The following CFAP46 variants were observed in gnomAD, a reference collection of about 807,000 sequenced individuals.
CFAP46 encodes the protein cilia- and flagella-associated protein 46.
In CFAP46, 245 loss-of-function variants were observed where a neutral mutation model predicts 325.7. The observed-to-expected ratio is 0.75, with a 90% confidence interval of 0.68 to 0.84. CFAP46 has a LOEUF of 0.84. Among genes scored for constraint, CFAP46 ranks in the 40% least tolerant of loss-of-function variants. The probability of loss-of-function intolerance (pLI) is 0.00; values close to 1 mark genes in which losing one functional copy is unlikely to be tolerated. For missense variants in CFAP46, 3,346 were observed against 3,543.0 expected, an observed-to-expected ratio of 0.94 and a Z score of 1.41; for synonymous variants, 1,523 against 1,495.9, an observed-to-expected ratio of 1.02 and a Z score of -0.42.
At chr10:132,821,747 A>T (rs1360655228) in intron 50 of CFAP46, among the ~76,000 whole-genome samples, 23 of 80,180 alleles carry the variant, frequency 2.9e-4, no homozygotes, top group African/African-American at 1.2e-3. Flanking sequence ...GTGTGCGCTG[A>T]TGTGTGCTGT....
chr10:132,824,031 CTGA>C (rs1241270670), intron 50 of CFAP46, among the ~76,000 whole-genome samples: 2 of 100,078 alleles, frequency 2.0e-5, no homozygotes, highest in African/African-American at 4.3e-5. Context: ...TGTGTGAGTG[CTGA>C]TGTGTGCTGA....
chr10:132,814,057 C>T, intron 54 of CFAP46, 95 bp downstream of exon 54: 1 of 897,516 alleles, frequency 1.1e-6, no homozygotes, highest in Non-Finnish European at 1.8e-6. Flanking sequence ...ACTGGCAGGG[C>T]AGACCCAGGG....
intron 55 of CFAP46, among the ~76,000 whole-genome samples, chr10:132,812,151 G>A (rs1054921716): frequency 5.8e-4 from 88 of 152,334 alleles, no homozygotes; most frequent in African/African-American, 1.8e-3. Flanking sequence ...GAGTGGCTGC[G>A]CCTGCTGTCT....
intron 19 of CFAP46, among the ~76,000 whole-genome samples, chr10:132,910,337 C>A (rs1292563310): frequency 6.6e-6 from 1 of 152,216 alleles, no homozygotes; most frequent in Non-Finnish European, 1.5e-5. Flanking sequence ...GGCCTGGGAC[C>A]CCGCAGGAAG....
intron 22 of CFAP46, among the ~76,000 whole-genome samples, chr10:132,906,311 C>T (rs1667956329): frequency 6.6e-6 from 1 of 152,242 alleles, no homozygotes; most frequent in Admixed American, 6.5e-5. Context: ...TGCTTATAGC[C>T]CATCGCCTGG....
At position 132,916,414 on chromosome 10, in the gene CFAP46, G is replaced by A. The variant is rs114776826; in HGVS notation, c.2120+135C>T. The A allele has an allele frequency of 1.0e-3, 978 of 955,310 alleles. 13 individuals are homozygous for A. In the African/African-American group the frequency reaches 0.015, roughly 15 times the overall value. The allele number at this position is 955,310 out of a possible 1,614,324, so 59.2% of individuals were successfully genotyped here. ...TGGTCTCAGTCATTTACGTGACGAT[G>A]GACACGTCCCCCACGCAAGAAGCCG... On this transcript the variant is annotated intron_variant, in intron 17 of 57. Coordinates refer to ENST00000368586, the MANE Select transcript of CFAP46 (RefSeq NM_001200049.3).
intron 50 of CFAP46, among the ~76,000 whole-genome samples, chr10:132,821,100 T>A (rs1185893544): frequency 2.6e-5 from 2 of 77,052 alleles, no homozygotes; most frequent in Admixed American, 1.6e-4. Context: ...GATGTGTGCT[T>A]TGTGTGTGCT....
At chr10:132,842,039 C>T (rs984387660) in intron 44 of CFAP46, among the ~76,000 whole-genome samples, 2 of 152,238 alleles carry the variant, frequency 1.3e-5, no homozygotes, top group Admixed American at 6.5e-5. Flanking sequence ...CTCTCCTGGG[C>T]ACACCTTTCA....
intron 44 of CFAP46, among the ~76,000 whole-genome samples, chr10:132,844,734 C>T (rs1434420745): frequency 1.3e-5 from 2 of 152,200 alleles, no homozygotes; most frequent in African/African-American, 4.8e-5. Flanking sequence ...GCCTGGTCTG[C>T]AGCCGTGCGG....
intron 49 of CFAP46, among the ~76,000 whole-genome samples, chr10:132,833,777 C>T (rs369525761): frequency 2.0e-5 from 3 of 152,198 alleles, no homozygotes; most frequent in Non-Finnish European, 2.9e-5. Flanking sequence ...TCCACCCACG[C>T]GAAGGTGGCT....
At chr10:132,823,681 T>C (rs1477153388) in intron 50 of CFAP46, among the ~76,000 whole-genome samples, 6 of 126,990 alleles carry the variant, frequency 4.7e-5, no homozygotes, top group Non-Finnish European at 8.4e-5. Flanking sequence ...GTGTGCTGTG[T>C]GCTGATGTGT....
chr10:132,816,519 G>A (rs1847698637), intron 50 of CFAP46, among the ~76,000 whole-genome samples: 1 of 151,932 alleles, frequency 6.6e-6, no homozygotes, highest in African/African-American at 2.4e-5. Flanking sequence ...TTTTAGTAGA[G>A]ATGGGGTTTC....
intron 31 of CFAP46, among the ~76,000 whole-genome samples, chr10:132,873,647 A>C (rs918212405): frequency 2.0e-5 from 3 of 151,880 alleles, no homozygotes; most frequent in African/African-American, 4.8e-5. Context: ...GAAGGGCTGC[A>C]CCTCAGAATT....
chr10:132,872,729 C>A lies in CFAP46; in HGVS notation c.4458G>T (p.Leu1486=). Residue 1486 remains leucine (L), a synonymous_variant, in exon 32 of 58, where the codon CTG becomes CTT. Coordinates refer to ENST00000368586, the MANE Select transcript of CFAP46 (RefSeq NM_001200049.3). ...TGCTTCCCACCACGGAGTCCGAAATCAGCACCCCCAACTGCAGGACGGGAA... is the reference window on the plus strand; with the variant it reads ...TGCTTCCCACCACGGAGTCCGAAATAAGCACCCCCAACTGCAGGACGGGAA... ...LTVPVLQLGV[L]ISDSVVGSKG... is the part of the protein sequence containing the mutation. 1.3e-6 allele frequency: 2 copies of A among 1,550,834 alleles called. No homozygotes were observed. Among genetic ancestry groups the A allele is most frequent in the Non-Finnish European group, 1.7e-6 (2 of 1,147,058 alleles).
chr10:132,848,115 G>A (rs1423097939), intron 41 of CFAP46, among the ~76,000 whole-genome samples: 2 of 152,136 alleles, frequency 1.3e-5, no homozygotes. Context: ...CCACTGCAGA[G>A]TCCCCAGGAC....
intron 50 of CFAP46, among the ~76,000 whole-genome samples, chr10:132,826,478 A>G (rs867974758): frequency 2.8e-4 from 28 of 99,668 alleles, no homozygotes; most frequent in South Asian, 1.2e-3. Flanking sequence ...GACCTGCCAC[A>G]GAGCCAGGCA....
At chr10:132,810,306 G>A in intron 57 of CFAP46, 103 bp downstream of exon 57, 2 of 954,048 alleles carry the variant, frequency 2.1e-6, no homozygotes, top group South Asian at 2.6e-5. Context: ...CCACGGAGAA[G>A]CGGAGACACC....
chr10:132,924,755 C>A lies in CFAP46; in HGVS notation c.1197G>T (p.Leu399=), dbSNP rs1261171855. The A allele has an allele frequency of 6.5e-7, 1 of 1,539,212 alleles. No individual in the cohort carries two copies. ...CCAGGGGCTTCCGCAGGTGGTGCCGCAGGTTGTGCTGCAGCAGGGGCAGGC... is the reference window on the plus strand; with the variant it reads ...CCAGGGGCTTCCGCAGGTGGTGCCGAAGGTTGTGCTGCAGCAGGGGCAGGC... ...NTCLPLLQHN[L]RHHLRKPLAG... is the part of the protein sequence containing the mutation. Residue 399 remains leucine (L), a synonymous_variant, in exon 11 of 58, where the codon CTG becomes CTT. Transcript: ENST00000368586.
In CFAP46 at chr10:132,920,140, G is replaced by C. The variant is rs149558193; in HGVS notation, c.1649C>G (p.Ala550Gly). The change falls in exon 14 of 58, where the codon GCG becomes GGG. Residue 550 changes from alanine (A) to glycine (G), a missense_variant. Transcript: ENST00000368586. ...GCTGACGGTGTGGTGCCACGCCTTC[G>C]CACAGAGGTAGGTGAACCGGCCCCT... ...KNRGRFTYLC[A>G]KAWHHTVSVD... The C allele has an allele frequency of 4.5e-6, 7 of 1,548,654 alleles. No individual in the cohort carries two copies. In the South Asian group the frequency reaches 7.2e-5, roughly 16 times the overall value.
Sources: allele counts gnomAD v4.1 joint callset (sites outside exome capture counted in the v4.1 genomes callset), GRCh38; gene constraint gnomAD v4.1.1; transcripts MANE v1.5; gene names NCBI Gene and HGNC (gene_info 2026-07-23, HGNC 2026-07-21).